The following CDKAL1 variants were observed in gnomAD, a reference collection of about 807,000 sequenced individuals.
The protein encoded by CDKAL1 is CDKAL1 threonylcarbamoyladenosine tRNA methylthiotransferase.
In CDKAL1, 32 loss-of-function variants were observed where a neutral mutation model predicts 68.2. The observed-to-expected ratio is 0.47, with a 90% CI of 0.35 to 0.63. The LOEUF (loss-of-function observed/expected upper bound fraction) is 0.63. Ranked by LOEUF, CDKAL1 falls within the 30% of genes least tolerant of loss-of-function variation. The pLI is 0.00. For synonymous variants in CDKAL1, 234 were observed against 244.3 expected (o/e 0.96, Z 0.39); for missense variants, 606 against 696.7 (o/e 0.87, Z 1.47).
At chr6:21,214,877 GAAT>G (rs1322614933) in intron 15 of CDKAL1, among the ~76,000 whole-genome samples, 72 of 93,126 alleles carry the variant, frequency 7.7e-4, no homozygotes, top group Admixed American at 1.3e-3. Context: ...TCTGTTGGAT[GAAT>G]GAATGAATGA....
intron 8 of CDKAL1, among the ~76,000 whole-genome samples, chr6:20,815,509 T>C (rs1309939544): frequency 6.6e-6 from 1 of 152,112 alleles, no homozygotes; most frequent in Non-Finnish European, 1.5e-5. Context: ...CTCCTTTTTT[T>C]TTAAATAAAC....
intron 13 of CDKAL1, among the ~76,000 whole-genome samples, chr6:21,190,966 A>G (rs563078037): frequency 6.6e-6 from 1 of 152,256 alleles, no homozygotes; most frequent in Non-Finnish European, 1.5e-5. Flanking sequence ...AAGAAAAAAA[A>G]GTTATAAAGA....
chr6:20,748,488 G>A (rs1418063959), intron 6 of CDKAL1, among the ~76,000 whole-genome samples: 4 of 146,766 alleles, frequency 2.7e-5, no homozygotes, highest in Non-Finnish European at 4.5e-5. Context: ...AGGCTGTGGC[G>A]AGTTGTTGTG....
intron 5 of CDKAL1, among the ~76,000 whole-genome samples, chr6:20,670,421 T>C (rs1769756845): frequency 6.6e-6 from 1 of 152,192 alleles, no homozygotes; most frequent in Non-Finnish European, 1.5e-5. Context: ...AATCTTTTAC[T>C]CAGAGAATGA....
At chr6:20,748,555 G>GA (rs760404728) in intron 6 of CDKAL1, among the ~76,000 whole-genome samples, 5 of 28,738 alleles carry the variant, frequency 1.7e-4, no homozygotes, top group Admixed American at 4.8e-4. Flanking sequence ...TCTGTTTCTG[G>GA]AAAAAAAAAA....
intron 9 of CDKAL1, among the ~76,000 whole-genome samples, chr6:20,943,350 AGAAAAAAAG>A (rs1561903825): frequency 3.3e-5 from 4 of 120,398 alleles, no homozygotes; most frequent in African/African-American, 1.6e-4. Context: ...AAAAAGAAAA[AGAAAAAAAG>A]AAAAAAAAAG....
At chr6:20,870,653 C>T (rs1581734074) in intron 9 of CDKAL1, among the ~76,000 whole-genome samples, 1 of 152,288 alleles carries the variant, frequency 6.6e-6, no homozygotes, top group Non-Finnish European at 1.5e-5. Flanking sequence ...TCTTTACAGG[C>T]TGTGAGTATA....
At chr6:20,831,771 A>AT (rs1476207759) in intron 8 of CDKAL1, among the ~76,000 whole-genome samples, 5 of 152,146 alleles carry the variant, frequency 3.3e-5, no homozygotes, top group African/African-American at 1.2e-4. Context: ...ATTTCAAACA[A>AT]TTTTTTTGAT....
chr6:20,693,677 A>T (rs1476653769), intron 5 of CDKAL1, among the ~76,000 whole-genome samples: 2 of 152,218 alleles, frequency 1.3e-5, no homozygotes, highest in African/African-American at 2.4e-5. Context: ...GAAAGTTGAG[A>T]CCACAGAAAT....
chr6:20,879,591 G>T (rs1297554239), intron 9 of CDKAL1, among the ~76,000 whole-genome samples: 2 of 152,170 alleles, frequency 1.3e-5, no homozygotes, highest in African/African-American at 4.8e-5. Flanking sequence ...TGTTGTCTCT[G>T]CCTGCTAGTC....
chr6:20,797,828 T>TATTTTATTTTTTTTTATTTTATTTTA (rs1776177343), intron 8 of CDKAL1, among the ~76,000 whole-genome samples: 1 of 149,210 alleles, frequency 6.7e-6, no homozygotes, highest in African/African-American at 2.5e-5. Context: ...TATTTTATTT[T>TATTTTATTTTTTTTTATTTTATTTTA]TTCTTGGAGA....
intron 5 of CDKAL1, among the ~76,000 whole-genome samples, chr6:20,725,472 T>A (rs181646661): frequency 7.4e-4 from 112 of 152,274 alleles, no homozygotes; most frequent in African/African-American, 2.6e-3. Flanking sequence ...CATCTGACTT[T>A]CCTTTGGTTC....
Position 20,805,618 on chromosome 6 carries a change from A to C in CDKAL1, c.638+24353A>C, listed in dbSNP as rs533933451. Among the ~76,000 whole-genome samples, 3 of 152,374 alleles carry C rather than the reference A, an allele frequency of 2.0e-5. No homozygotes were observed. In the East Asian group the frequency reaches 5.8e-4, roughly 29 times the overall value. On this transcript the variant is annotated intron_variant, in intron 8 of 15. Coordinates refer to ENST00000274695, the MANE Select transcript of CDKAL1 (RefSeq NM_017774.3). ...TAATACAATATGCTTTAACATTAGCAGACTAAGCATTCATCACAATATTCC... is the reference window on the plus strand; with the variant it reads ...TAATACAATATGCTTTAACATTAGCCGACTAAGCATTCATCACAATATTCC...
rs557904438 is a variant in CDKAL1 at position 20,670,225 on chromosome 6, G to T, written c.371+20848G>T. Among the ~76,000 whole-genome samples, 14 of 152,196 alleles carry T rather than the reference G, an allele frequency of 9.2e-5. No individual in the cohort carries two copies. The South Asian group carries it at 2.9e-3, about 32-fold the overall frequency. On this transcript the variant is annotated intron_variant, in intron 5 of 15. Transcript: ENST00000274695. ...ATAATATTTATGTTTAGTCCTTTTTGTGAAGTTCACTTGGGTTAGTTCTTT... is the reference window on the plus strand; with the variant it reads ...ATAATATTTATGTTTAGTCCTTTTTTTGAAGTTCACTTGGGTTAGTTCTTT...
chr6:21,156,424 CAAAAA>C (rs372631710), intron 13 of CDKAL1, among the ~76,000 whole-genome samples: 1 of 85,154 alleles, frequency 1.2e-5, no homozygotes, highest in Non-Finnish European at 2.3e-5. Flanking sequence ...ACCCTGTCTC[CAAAAA>C]AAAAAAAAAA....
intron 13 of CDKAL1, among the ~76,000 whole-genome samples, chr6:21,192,507 A>G (rs1453811353): frequency 2.6e-5 from 4 of 151,108 alleles, no homozygotes; most frequent in Non-Finnish European, 5.9e-5. Flanking sequence ...TGAATTCAGT[A>G]AAGGAATAAG....
chr6:20,983,299 C>T (rs1029386281), intron 10 of CDKAL1, among the ~76,000 whole-genome samples: 9 of 152,132 alleles, frequency 5.9e-5, no homozygotes, highest in Admixed American at 4.6e-4. Context: ...TTAGTTTAAA[C>T]GCATGAGACT....
intron 8 of CDKAL1, among the ~76,000 whole-genome samples, chr6:20,838,994 T>G (rs1198825180): frequency 6.6e-6 from 1 of 151,684 alleles, no homozygotes; most frequent in East Asian, 1.9e-4. Flanking sequence ...AAAAAAATTC[T>G]AACTGGAATG....
At chr6:20,813,330 G>A (rs1208192098) in intron 8 of CDKAL1, among the ~76,000 whole-genome samples, 2 of 152,066 alleles carry the variant, frequency 1.3e-5, no homozygotes, top group Non-Finnish European at 2.9e-5. Context: ...TTAGTGCTAG[G>A]ATTTCTTTTA....
Sources: allele counts gnomAD v4.1 joint callset (sites outside exome capture counted in the v4.1 genomes callset), GRCh38; gene constraint gnomAD v4.1.1; transcripts MANE v1.5; gene names NCBI Gene and HGNC (gene_info 2026-07-23, HGNC 2026-07-21).